Variants in CAMK1D observed in about 807,000 individuals in gnomAD.
CAMK1D encodes the protein calcium/calmodulin-dependent protein kinase type 1D.
A neutral mutation model predicts 47.7 loss-of-function variants in CAMK1D; 9 were observed. The ratio of observed to expected loss-of-function variants is 0.19; its 90% CI spans 0.11 to 0.33. The LOEUF is 0.33. Among genes scored for constraint, CAMK1D ranks in the 10% least tolerant of loss-of-function variants. CAMK1D has a pLI of 1.00. For synonymous variants in CAMK1D, 184 were observed against 184.9 expected (o/e 0.99, Z 0.04); for missense variants, 291 against 488.7 (o/e 0.60, Z 3.81).
chr10:12,745,331 C>G (rs887983403), intron 3 of CAMK1D, among the ~76,000 whole-genome samples: 2 of 151,990 alleles, frequency 1.3e-5, no homozygotes, highest in Non-Finnish European at 2.9e-5. Context: ...TGCCCAGCTG[C>G]TCTGCTGTAT....
chr10:12,636,091 C>A (rs557281744), intron 2 of CAMK1D, among the ~76,000 whole-genome samples: 1 of 152,268 alleles, frequency 6.6e-6, no homozygotes, highest in South Asian at 2.1e-4. Context: ...TTTTAAGTAT[C>A]CAGTTCAGTG....
intron 2 of CAMK1D, among the ~76,000 whole-genome samples, chr10:12,555,731 G>T (rs548186532): frequency 6.6e-5 from 10 of 152,214 alleles, no homozygotes; most frequent in African/African-American, 2.4e-4. Flanking sequence ...AAGGTTTTAC[G>T]TTGGGCACAG....
intron 8 of CAMK1D, among the ~76,000 whole-genome samples, chr10:12,817,228 T>G (rs1308225613): frequency 6.6e-6 from 1 of 152,242 alleles, no homozygotes; most frequent in African/African-American, 2.4e-5. Flanking sequence ...CACATCAGTA[T>G]GCAAAAGATA....
At chr10:12,502,407 G>GCCAT (rs988697611) in intron 1 of CAMK1D, among the ~76,000 whole-genome samples, 1 of 152,240 alleles carries the variant, frequency 6.6e-6, no homozygotes, top group Admixed American at 6.5e-5. Context: ...CAGGTGTAGG[G>GCCAT]CGATGAGGCG....
intron 1 of CAMK1D, among the ~76,000 whole-genome samples, chr10:12,409,601 A>G (rs966460895): frequency 6.6e-5 from 10 of 152,242 alleles, no homozygotes; most frequent in African/African-American, 2.2e-4. Context: ...TTTCTTAAAA[A>G]TAGCTTTATT....
chr10:12,359,011 A>G (rs1837588093), intron 1 of CAMK1D, among the ~76,000 whole-genome samples: 1 of 152,162 alleles, frequency 6.6e-6, no homozygotes, highest in Non-Finnish European at 1.5e-5. Context: ...ATCATAAACA[A>G]TTCTTCAGTC....
At chr10:12,616,634 C>T (rs558559445) in intron 2 of CAMK1D, among the ~76,000 whole-genome samples, 1 of 151,090 alleles carries the variant, frequency 6.6e-6, no homozygotes, top group South Asian at 2.1e-4. Flanking sequence ...TCTCCTGCCT[C>T]AGCCTCCCGA....
At chr10:12,625,062 C>T (rs1839166428) in intron 2 of CAMK1D, among the ~76,000 whole-genome samples, 1 of 151,970 alleles carries the variant, frequency 6.6e-6, no homozygotes, top group Admixed American at 6.6e-5. Context: ...CCTGGCTGGG[C>T]ATGGTGGCTC....
chr10:12,598,533 G>A (rs1231555851), intron 2 of CAMK1D, among the ~76,000 whole-genome samples: 2 of 152,084 alleles, frequency 1.3e-5, no homozygotes, highest in Admixed American at 6.5e-5. Flanking sequence ...AATCTGTTTC[G>A]GGTCACACCA....
intron 2 of CAMK1D, among the ~76,000 whole-genome samples, chr10:12,634,162 G>C (rs1839452698): frequency 6.6e-6 from 1 of 152,152 alleles, no homozygotes; most frequent in Admixed American, 6.5e-5. Flanking sequence ...GTCCCATCCT[G>C]GGTAAGAACA....
chr10:12,634,856 A>G (rs764041370), intron 2 of CAMK1D, among the ~76,000 whole-genome samples: 2 of 152,098 alleles, frequency 1.3e-5, no homozygotes, highest in East Asian at 1.9e-4. Context: ...TTTTGAGGTC[A>G]TGATGGTGGC....
chr10:12,666,663 C>A, intron 2 of CAMK1D, 73 bp from the exon 3 acceptor site: 2 of 1,204,536 alleles, frequency 1.7e-6, no homozygotes, highest in Non-Finnish European at 2.4e-6. Flanking sequence ...CTTTTTGCTA[C>A]AATGCTGTCT....
At chr10:12,396,778 C>G (rs1838974472) in intron 1 of CAMK1D, among the ~76,000 whole-genome samples, 1 of 152,216 alleles carries the variant, frequency 6.6e-6, no homozygotes, top group South Asian at 2.1e-4. Flanking sequence ...GCCACGTAGG[C>G]TCCCCGTGGC....
chr10:12,684,159 C>A (rs996406918), intron 3 of CAMK1D, among the ~76,000 whole-genome samples: 4 of 152,100 alleles, frequency 2.6e-5, no homozygotes, highest in African/African-American at 9.7e-5. Context: ...GTCAGAGAGG[C>A]CTGTGTGCAG....
intron 1 of CAMK1D, among the ~76,000 whole-genome samples, chr10:12,532,050 C>T (rs1164594929): frequency 2.0e-5 from 3 of 152,180 alleles, no homozygotes; most frequent in African/African-American, 7.2e-5. Context: ...TTTGGCCAGC[C>T]CAGCCCATCA....
chr10:12,749,553 TG>T (rs1475134483), intron 3 of CAMK1D, among the ~76,000 whole-genome samples: 2 of 129,608 alleles, frequency 1.5e-5, no homozygotes, highest in South Asian at 2.3e-4. Context: ...GTTTGTTTTT[TG>T]TTTGTTTGTT....
intron 10 of CAMK1D, 73 bp from the exon 11 acceptor site, chr10:12,828,696 A>T: frequency 8.1e-7 from 1 of 1,235,694 alleles, no homozygotes. Context: ...AGCCCCTCTG[A>T]CACCTGGCAG....
At chr10:12,629,798 A>C (rs986316244) in intron 2 of CAMK1D, among the ~76,000 whole-genome samples, 2 of 152,250 alleles carry the variant, frequency 1.3e-5, no homozygotes, top group Non-Finnish European at 2.9e-5. Context: ...GGTTCTGGAT[A>C]CAGAAGGAGG....
intron 5 of CAMK1D, among the ~76,000 whole-genome samples, chr10:12,788,507 G>C (rs573241533): frequency 6.6e-6 from 1 of 152,346 alleles, no homozygotes; most frequent in Admixed American, 6.5e-5. Flanking sequence ...AGGGGAAGCT[G>C]GTCAGCCGTT....
Sources: allele counts gnomAD v4.1 joint callset (sites outside exome capture counted in the v4.1 genomes callset), GRCh38; gene constraint gnomAD v4.1.1; transcripts MANE v1.5; gene names NCBI Gene and HGNC (gene_info 2026-07-23, HGNC 2026-07-21).